DZIP1: variants seen among roughly 807,000 people sequenced by gnomAD.
The protein encoded by DZIP1 is cilium assembly protein DZIP1.
A neutral mutation model predicts 107.6 loss-of-function variants in DZIP1; 97 were observed. The observed-to-expected ratio is 0.90, with a 90% CI of 0.77 to 1.07. DZIP1 has a LOEUF of 1.07. Ranked by LOEUF, DZIP1 falls within the 50% of genes least tolerant of loss-of-function variation. DZIP1 has a pLI of 0.00. For missense variants in DZIP1, 1,035 were observed against 1,063.6 expected (o/e 0.97, Z 0.37); for synonymous variants, 390 against 386.4 (o/e 1.01, Z -0.11).
intron 10 of DZIP1, among the ~76,000 whole-genome samples, chr13:95,617,744 A>G (rs1594705890): frequency 6.6e-6 from 1 of 151,950 alleles, no homozygotes; most frequent in Non-Finnish European, 1.5e-5. Context: ...CAGCCAGGTT[A>G]TTTTGCTGGC....
chr13:95,586,807 T>TA (rs1566359338), intron 20 of DZIP1, among the ~76,000 whole-genome samples: 1 of 152,056 alleles, frequency 6.6e-6, no homozygotes, highest in Non-Finnish European at 1.5e-5. Flanking sequence ...CTGAATTTTT[T>TA]AAAAAAATAA....
intron 6 of DZIP1, among the ~76,000 whole-genome samples, chr13:95,631,376 G>A (rs536559405): frequency 2.2e-4 from 33 of 152,082 alleles, no homozygotes; most frequent in Non-Finnish European, 3.8e-4. Context: ...CTGAAGCAAC[G>A]GAATCACTTG....
intron 13 of DZIP1, among the ~76,000 whole-genome samples, chr13:95,607,248 T>C (rs573482866): frequency 6.6e-6 from 1 of 152,276 alleles, no homozygotes; most frequent in Middle Eastern, 3.4e-3. Flanking sequence ...GGTTTCACCA[T>C]GTTGGCTAGG....
chr13:95,590,120 A>C (rs1467841912), intron 17 of DZIP1, among the ~76,000 whole-genome samples, 159 bp downstream of exon 17: 4 of 152,202 alleles, frequency 2.6e-5, no homozygotes, highest in Admixed American at 6.5e-5. Context: ...CCCAGCATTT[A>C]ATAGTACAAA....
At chr13:95,629,896 C>T in intron 7 of DZIP1, 93 bp downstream of exon 7, 2 of 1,351,150 alleles carry the variant, frequency 1.5e-6, no homozygotes, top group Non-Finnish European at 2.0e-6. Context: ...AATTCACAAA[C>T]TCTTAAGTGT....
chr13:95,590,551 G>T, intron 16 of DZIP1, 110 bp from the exon 17 acceptor site: 1 of 1,139,884 alleles, frequency 8.8e-7, no homozygotes. Context: ...CAGGGCTCCA[G>T]TTGTGTGTAG....
rs537462123 is a variant in DZIP1, at chr13:95,642,502, T to C, written c.-212-261A>G. Among the ~76,000 whole-genome samples, 94 of 151,974 alleles carry C rather than the reference T, an allele frequency of 6.2e-4. 2 individuals are homozygous for C. The East Asian group carries it at 0.013, about 21-fold the overall frequency. On this transcript the variant is annotated intron_variant, in intron 3 of 22. Transcript: ENST00000376829. The stretch of plus-strand genomic sequence containing the variant: ...AAATATCTATTCATTCCATCATTAA[T>C]AGAAAAAGAAAAAAAAAGTAGTATC...
intron 14 of DZIP1, among the ~76,000 whole-genome samples, chr13:95,604,377 G>A (rs562305535): frequency 1.4e-3 from 218 of 152,350 alleles, no homozygotes; most frequent in Non-Finnish European, 2.4e-3. Flanking sequence ...GGTGGGGGAC[G>A]TTGGCGGGCC....
At chr13:95,609,003 G>C (rs896536790) in intron 13 of DZIP1, among the ~76,000 whole-genome samples, 3 of 152,198 alleles carry the variant, frequency 2.0e-5, no homozygotes, top group Non-Finnish European at 2.9e-5. Context: ...TTGTTTTACT[G>C]CAGAATCTTG....
intron 8 of DZIP1, among the ~76,000 whole-genome samples, chr13:95,623,876 T>C (rs1876211736): frequency 6.6e-6 from 1 of 152,114 alleles, no homozygotes; most frequent in South Asian, 2.1e-4. Context: ...GAGGCAGAGG[T>C]TGCAGTGAGC....
At chr13:95,614,987 C>T (rs1459511478) in intron 10 of DZIP1, among the ~76,000 whole-genome samples, 2 of 152,158 alleles carry the variant, frequency 1.3e-5, no homozygotes, top group African/African-American at 2.4e-5. Context: ...GCAGAGATTA[C>T]TAAACCTGAT....
In DZIP1 at chr13:95,641,633, G is replaced by C; in HGVS notation, c.259C>G (p.Leu87Val). The change falls in exon 5 of 23, where the codon CTG becomes GTG. Residue 87 changes from leucine (L) to valine (V), a missense_variant. Physicochemically the swap from Leu to Val is conservative, Grantham distance 32 (BLOSUM62 1). Transcript: ENST00000376829. The surrounding 1 kb of genome is among the most constrained non-coding windows in gnomAD (Gnocchi z 4.3). The part of the protein sequence containing the change: ...VDKVAGAVDV[L>V]TLQENIMNIT... ...TTCATGATGTTCTCCTGCAGCGTCAGCACGTCCACAGCCCCCGCCACCTTG... is the reference window on the plus strand; with the variant it reads ...TTCATGATGTTCTCCTGCAGCGTCACCACGTCCACAGCCCCCGCCACCTTG... 6.2e-7 allele frequency: 1 copy of C among 1,610,968 alleles called. No individual in the cohort carries two copies. The highest frequency in any genetic ancestry group is 8.5e-7 in the Non-Finnish European group (1 of 1,180,020).
chr13:95,585,384 T>C (rs563017253), intron 21 of DZIP1, among the ~76,000 whole-genome samples: 2 of 152,366 alleles, frequency 1.3e-5, no homozygotes, highest in Admixed American at 6.5e-5. Flanking sequence ...TTGAATGTCA[T>C]AGGACTTTCT....
At chr13:95,612,720 G>A (rs1353242880) in intron 10 of DZIP1, among the ~76,000 whole-genome samples, 2 of 152,066 alleles carry the variant, frequency 1.3e-5, no homozygotes, top group African/African-American at 4.8e-5. Flanking sequence ...GAGTAGCTGG[G>A]ATTACAGGCC....
intron 13 of DZIP1, among the ~76,000 whole-genome samples, chr13:95,608,135 C>A (rs1594684310): frequency 1.3e-5 from 2 of 152,110 alleles, no homozygotes; most frequent in Non-Finnish European, 2.9e-5. Flanking sequence ...CGGAAGGGAC[C>A]GCTACCTATG....
chr13:95,584,799 G>A lies in DZIP1; in HGVS notation c.2461C>T (p.Pro821Ser). 6.2e-7 allele frequency: 1 copy of A among 1,614,104 alleles called. No individual in the cohort carries two copies. The highest frequency in any genetic ancestry group is 1.1e-5 in the South Asian group (1 of 91,064). Residue 821 changes from proline to serine, a missense_variant, in exon 22 of 23, where the codon CCA becomes TCA. Transcript: ENST00000376829. Reference protein sequence around the residue: ...QKEPPPAKNEPHFAHVLNAWG... With the variant: ...QKEPPPAKNESHFAHVLNAWG... ...GCATTTAGCACATGAGCAAAATGTG[G>A]TTCATTTTTCGCAGGTGGAGGTTCC...
chr13:95,613,498 C>A (rs973147184), intron 10 of DZIP1, among the ~76,000 whole-genome samples: 2 of 145,142 alleles, frequency 1.4e-5, no homozygotes, highest in African/African-American at 5.2e-5. Context: ...GGTGACAGAG[C>A]GAGATTCCGT....
rs148877381 is a variant in DZIP1, at chr13:95,596,157, A to G, written c.1538-2071T>C. Among the ~76,000 whole-genome samples, 37 of 152,318 alleles carry G rather than the reference A, an allele frequency of 2.4e-4. 1 individual carries two copies. The highest frequency in any genetic ancestry group is 8.9e-4 in the African/African-American group (37 of 41,570). On this transcript the variant is annotated intron_variant, in intron 15 of 22. Transcript: ENST00000376829. ...GAATGTAGAGTAAGCAGGGAAAAAT[A>G]AAGTTTTTATGTAGAAGTGGAATTA...
rs1342571007 is a variant in DZIP1, at chr13:95,613,509, CT to C, written c.1174-1333del. On this transcript the variant is annotated intron_variant, in intron 10 of 22. Transcript: ENST00000376829. ...CCTGGGTGACAGAGCGAGATTCCGT[CT>C]CAAAAAAAAAAAAGGCTTCATAATT... 1.3e-3 allele frequency among the ~76,000 whole-genome samples: 168 copies of C among 124,722 alleles called. 1 individual carries two copies. Among genetic ancestry groups the C allele is most frequent in the African/African-American group, 4.8e-3 (158 of 32,806 alleles). 81.8% of individuals were successfully genotyped at this position (124,722 alleles called of 152,430 possible).
Sources: gnomAD v4.1 joint callset for allele counts (sites outside exome capture counted in the v4.1 genomes callset) on GRCh38, gnomAD v4.1.1 for gene constraint, Gnocchi (gnomAD v3.1) non-coding constraint, MANE v1.5 for transcripts, NCBI Gene and HGNC (gene_info 2026-07-23, HGNC 2026-07-21) for gene names.